The following KITLG variants were observed in gnomAD, a reference collection of about 807,000 sequenced individuals.
KITLG encodes KIT ligand, also known as c-Kit ligand.
A neutral mutation model predicts 34.1 loss-of-function variants in KITLG; 13 were observed. That is an observed-to-expected ratio of 0.38 (90% confidence interval 0.25 to 0.61). The LOEUF (loss-of-function observed/expected upper bound fraction) is 0.61. Ranked by LOEUF, KITLG falls within the 20% of genes least tolerant of loss-of-function variation. The pLI, the probability that KITLG is intolerant of heterozygous loss-of-function variation, is 0.60. For synonymous variants in KITLG, 110 were observed against 104.0 expected (o/e 1.06, Z -0.35); for missense variants, 292 against 318.9 (o/e 0.92, Z 0.64).
At chr12:88,524,851 G>A (rs545190762) in intron 3 of KITLG, among the ~76,000 whole-genome samples, 31 of 152,140 alleles carry the variant, frequency 2.0e-4, no homozygotes, top group African/African-American at 6.5e-4. Flanking sequence ...ATGGGAGATC[G>A]AGGCAGATAA....
intron 4 of KITLG, among the ~76,000 whole-genome samples, chr12:88,516,751 C>T (rs1282640574): frequency 6.8e-6 from 1 of 148,146 alleles, no homozygotes; most frequent in African/African-American, 2.5e-5. Context: ...TAAAAACAAG[C>T]TGGGGATATT....
chr12:88,524,966 T>G (rs1022034), intron 3 of KITLG, among the ~76,000 whole-genome samples: 100,453 of 152,040 alleles, frequency 0.66, 37,215 homozygotes, highest in Middle Eastern at 0.85. Context: ...CGGTGAACTT[T>G]CCCTGTAGCC....
rs149490314 is a variant in KITLG at position 88,508,241 on chromosome 12, C to T, written c.605-1104G>A. On this transcript the variant is annotated intron_variant, in intron 6 of 9. Coordinates refer to ENST00000644744, the MANE Select transcript of KITLG (RefSeq NM_000899.5). ...CGAATTAAATAAACAAAACACATCT[C>T]CCACAAGGGTCTCTTCCAACATGAA... 1.7e-3 allele frequency among the ~76,000 whole-genome samples: 256 copies of T among 151,930 alleles called. 1 individual carries two copies. The highest frequency in any genetic ancestry group is 2.6e-3 in the Non-Finnish European group (180 of 67,952).
intron 1 of KITLG, among the ~76,000 whole-genome samples, chr12:88,568,987 T>A (rs1400898170): frequency 6.6e-6 from 1 of 152,302 alleles, no homozygotes; most frequent in African/African-American, 2.4e-5. Context: ...AGAGGTAAAA[T>A]CTATATGCTT....
intron 9 of KITLG, among the ~76,000 whole-genome samples, chr12:88,503,151 G>A (rs536144515): frequency 2.3e-3 from 352 of 152,290 alleles, no homozygotes; most frequent in Non-Finnish European, 3.8e-3. Flanking sequence ...ATGATTGAAG[G>A]TAAAAGTGAC....
intron 9 of KITLG, among the ~76,000 whole-genome samples, chr12:88,498,992 G>A (rs1201118860): frequency 1.3e-5 from 2 of 152,096 alleles, no homozygotes; most frequent in Non-Finnish European, 2.9e-5. Context: ...GTAAAGACTG[G>A]CACCTGTTTT....
intron 3 of KITLG, among the ~76,000 whole-genome samples, chr12:88,525,703 G>C (rs1282245413): frequency 1.3e-5 from 2 of 152,066 alleles, no homozygotes. Flanking sequence ...TACCCAAGAT[G>C]AATAGCTTCT....
intron 1 of KITLG, among the ~76,000 whole-genome samples, chr12:88,569,660 G>A (rs1871574688): frequency 1.3e-5 from 2 of 152,090 alleles, no homozygotes; most frequent in South Asian, 2.1e-4. Flanking sequence ...GAGGCTAAGA[G>A]GTTTTCGTTC....
intron 1 of KITLG, among the ~76,000 whole-genome samples, chr12:88,548,684 G>C (rs910150075): frequency 6.6e-6 from 1 of 152,120 alleles, no homozygotes; most frequent in Non-Finnish European, 1.5e-5. Flanking sequence ...ACCCCCACCA[G>C]TACCAGTCTC....
chr12:88,521,714 C>T (rs926036226), intron 3 of KITLG, among the ~76,000 whole-genome samples: 9 of 151,994 alleles, frequency 5.9e-5, no homozygotes, highest in African/African-American at 2.2e-4. Context: ...ATGCTTTATT[C>T]GCCTGTATGT....
intron 3 of KITLG, among the ~76,000 whole-genome samples, 153 bp downstream of exon 3, chr12:88,532,288 A>C (rs562729202): frequency 2.6e-5 from 4 of 152,100 alleles, no homozygotes. Flanking sequence ...AGAGGGGGAA[A>C]AAAAAGCCTG....
intron 1 of KITLG, among the ~76,000 whole-genome samples, chr12:88,569,203 C>G (rs1472243977): frequency 6.6e-6 from 1 of 152,138 alleles, no homozygotes; most frequent in East Asian, 1.9e-4. Context: ...GTTTCATAAG[C>G]CAGCCACCAC....
intron 1 of KITLG, among the ~76,000 whole-genome samples, chr12:88,556,628 G>A (rs763456173): frequency 7.2e-5 from 11 of 152,204 alleles, no homozygotes; most frequent in Non-Finnish European, 1.5e-4. Flanking sequence ...GGGTGACTGT[G>A]TAAAAAGTGG....
chr12:88,559,995 T>C (rs1871245171), intron 1 of KITLG, among the ~76,000 whole-genome samples: 1 of 152,238 alleles, frequency 6.6e-6, no homozygotes, highest in Non-Finnish European at 1.5e-5. Context: ...GATGATGACA[T>C]TTAAAACAGA....
intron 1 of KITLG, among the ~76,000 whole-genome samples, chr12:88,570,456 T>C (rs1243524695): frequency 6.6e-6 from 1 of 152,104 alleles, no homozygotes; most frequent in Admixed American, 6.6e-5. Context: ...GACTCAGCTT[T>C]GCCTGCTCTC....
chr12:88,577,543 AAT>A (rs937996710), intron 1 of KITLG, among the ~76,000 whole-genome samples: 1 of 152,230 alleles, frequency 6.6e-6, no homozygotes, highest in Non-Finnish European at 1.5e-5. Flanking sequence ...ATGTTTAAAA[AAT>A]AGTTACACAT....
chr12:88,500,922 G>A (rs1868828730), intron 9 of KITLG, among the ~76,000 whole-genome samples: 1 of 152,044 alleles, frequency 6.6e-6, no homozygotes, highest in South Asian at 2.1e-4. Context: ...TGAGACCATA[G>A]GTGCATACCA....
Position 88,494,162 on chromosome 12 carries a change from C to A in KITLG, c.*3057G>T, listed in dbSNP as rs1868521243. The A allele has an allele frequency of 6.6e-6, 1 of 151,860 alleles. No individual in the cohort carries two copies. The highest frequency in any genetic ancestry group is 2.4e-5 in the African/African-American group (1 of 41,402). 9.4% of individuals were successfully genotyped at this position (151,860 alleles called of 1,614,324 possible). On this transcript the variant is annotated 3_prime_UTR_variant, in exon 10 of 10. Transcript: ENST00000644744. ...ATTTACCATATCAGTTAATGACAGA[C>A]TGGAGGCTCCGGATATCTTTTGCAA...
At chr12:88,507,695 T>C (rs1869115041) in intron 6 of KITLG, among the ~76,000 whole-genome samples, 1 of 152,312 alleles carries the variant, frequency 6.6e-6, no homozygotes, top group East Asian at 1.9e-4. Flanking sequence ...ATTTGTCGGA[T>C]GCCACTGTGC....
Sources: allele counts gnomAD v4.1 joint callset (sites outside exome capture counted in the v4.1 genomes callset), GRCh38; gene constraint gnomAD v4.1.1; transcripts MANE v1.5; gene names NCBI Gene and HGNC (gene_info 2026-07-23, HGNC 2026-07-21).